AP3B1: variants seen among roughly 807,000 people sequenced by gnomAD.
AP3B1 encodes the protein adaptor related protein complex 3 subunit beta 1, also known as AP-3 complex subunit beta-1.
Under a neutral mutation model 132.5 loss-of-function variants are expected in AP3B1, and 61 were observed. The ratio of observed to expected loss-of-function variants is 0.46; its 90% CI spans 0.37 to 0.57. AP3B1 has a LOEUF of 0.57. Among genes scored for constraint, AP3B1 ranks in the 20% least tolerant of loss-of-function variants. AP3B1 has a pLI of 0.00. For missense variants in AP3B1, 1,120 were observed against 1,289.4 expected (o/e 0.87, Z 2.01); for synonymous variants, 388 against 438.3 (o/e 0.89, Z 1.43).
At chr5:78,035,003 T>C (rs1048707191) in intron 23 of AP3B1, among the ~76,000 whole-genome samples, 14 of 151,926 alleles carry the variant, frequency 9.2e-5, no homozygotes, top group African/African-American at 2.9e-4. Context: ...TTAAGTCTAA[T>C]TGCATTAAAT....
chr5:78,249,644 T>A (rs1747547788), intron 2 of AP3B1, among the ~76,000 whole-genome samples: 1 of 148,498 alleles, frequency 6.7e-6, no homozygotes, highest in East Asian at 2.0e-4. Flanking sequence ...ACGGCAATGG[T>A]GCCATGTTGG....
intron 15 of AP3B1, among the ~76,000 whole-genome samples, chr5:78,136,151 A>G (rs1304079153): frequency 6.6e-6 from 1 of 152,108 alleles, no homozygotes; most frequent in African/African-American, 2.4e-5. Flanking sequence ...TTTACTGTAA[A>G]TCATCATATT....
Position 78,002,819 on chromosome 5 carries a change from T to G in AP3B1, c.*83A>C. ...TACCCCCACTGCCAGATGGAAGGGC[T>G]ATTATTATAAATGAAAGGCAGCAGT... On this transcript the variant is annotated 3_prime_UTR_variant, in exon 27 of 27. Coordinates refer to ENST00000255194, the MANE Select transcript of AP3B1 (RefSeq NM_003664.5). 1 of 1,484,808 alleles carries G rather than the reference T, an allele frequency of 6.7e-7. No individual in the cohort carries two copies. The highest frequency in any genetic ancestry group is 1.7e-5 in the Admixed American group (1 of 59,912). 92.0% of individuals were successfully genotyped at this position (1,484,808 alleles called of 1,614,324 possible). A position where few individuals can be genotyped will look rare whatever the true frequency, so the allele number is the denominator to read the frequency against.
rs142542947 is a variant in AP3B1 at position 78,232,394 on chromosome 5, C to T, written c.280-4155G>A. ...AGTTAGCCAGTCAGGAACAACTGCA[C>T]TCCCATACACCCACCTCTGAGTGCC... is the stretch of plus-strand genomic sequence containing the variant. On this transcript the variant is annotated intron_variant, in intron 3 of 26. Transcript: ENST00000255194. Among the ~76,000 whole-genome samples, 13 of 152,288 alleles carry T rather than the reference C, an allele frequency of 8.5e-5. No individual in the cohort carries two copies. In the East Asian group the frequency reaches 2.3e-3, roughly 27 times the overall value.
At chr5:78,091,689 G>C (rs551724110) in intron 21 of AP3B1, among the ~76,000 whole-genome samples, 2 of 152,298 alleles carry the variant, frequency 1.3e-5, no homozygotes, top group African/African-American at 4.8e-5. Flanking sequence ...CAAAGGCTGA[G>C]AGGTAGGAAA....
intron 1 of AP3B1, among the ~76,000 whole-genome samples, chr5:78,269,625 T>A (rs1748468529): frequency 6.6e-6 from 1 of 152,180 alleles, no homozygotes; most frequent in Admixed American, 6.5e-5. Context: ...AAAGACAACA[T>A]AAATTAAGGG....
chr5:78,186,202 T>C (rs973818297), intron 7 of AP3B1, among the ~76,000 whole-genome samples: 1 of 151,868 alleles, frequency 6.6e-6, no homozygotes, highest in Non-Finnish European at 1.5e-5. Context: ...GATGGAAAAA[T>C]ACATAGCATG....
chr5:78,101,665 C>T (rs370588661), intron 20 of AP3B1, among the ~76,000 whole-genome samples: 24 of 152,116 alleles, frequency 1.6e-4, no homozygotes, highest in African/African-American at 5.5e-4. Flanking sequence ...ATAACTAGGG[C>T]TTCCCCCAGC....
chr5:78,259,274 A>C (rs1297506260), intron 2 of AP3B1, among the ~76,000 whole-genome samples: 1 of 151,714 alleles, frequency 6.6e-6, no homozygotes, highest in Non-Finnish European at 1.5e-5. Context: ...AGAAAGAAAG[A>C]CAAACATTTC....
intron 1 of AP3B1, among the ~76,000 whole-genome samples, chr5:78,279,907 A>AATATATATAT (rs55881507): frequency 5.2e-5 from 6 of 114,376 alleles, no homozygotes; most frequent in African/African-American, 1.9e-4. Context: ...ATATGACTTA[A>AATATATATAT]ATATATATAT....
In AP3B1 at chr5:78,036,609, T is replaced by C. The variant is rs532430211; in HGVS notation, c.2810-2164A>G. 2.0e-3 allele frequency among the ~76,000 whole-genome samples: 307 copies of C among 152,202 alleles called. 1 individual carries two copies. The highest frequency in any genetic ancestry group is 7.1e-3 in the African/African-American group (295 of 41,538). On this transcript the variant is annotated intron_variant, in intron 23 of 26. Coordinates refer to ENST00000255194, the MANE Select transcript of AP3B1 (RefSeq NM_003664.5). ...TCTTAAAAAAAACCCTCTTATATACTGGGTCTCTTTGGGGAAAATGGAATA... is the reference window on the plus strand; with the variant it reads ...TCTTAAAAAAAACCCTCTTATATACCGGGTCTCTTTGGGGAAAATGGAATA...
chr5:78,104,387 G>C (rs1751250160), intron 20 of AP3B1, among the ~76,000 whole-genome samples: 1 of 152,050 alleles, frequency 6.6e-6, no homozygotes, highest in Non-Finnish European at 1.5e-5. Flanking sequence ...CAATAAGAAA[G>C]CCTGCTTAAT....
chr5:78,075,633 A>G lies in AP3B1; in HGVS notation c.2577+13760T>C, dbSNP rs252752. Among the ~76,000 whole-genome samples the G allele has an allele frequency of 3.2e-3, 495 of 152,376 alleles. 4 individuals carry two copies. The highest frequency in any genetic ancestry group is 6.0e-3 in the Non-Finnish European group (406 of 68,036). Reference sequence around the variant, plus strand: ...TGATAGGACAAATGATAAAAACTGCAGAAGCTACATTTGCTTTGTGGCTTT... The same window carrying G: ...TGATAGGACAAATGATAAAAACTGCGGAAGCTACATTTGCTTTGTGGCTTT... On this transcript the variant is annotated intron_variant, in intron 22 of 26. Transcript: ENST00000255194.
At chr5:78,097,095 G>T (rs1293144247) in intron 21 of AP3B1, among the ~76,000 whole-genome samples, 1 of 119,020 alleles carries the variant, frequency 8.4e-6, no homozygotes, top group Non-Finnish European at 1.8e-5. Flanking sequence ...CAGCCGCCCC[G>T]TCCGGGAGGG....
At chr5:78,037,277 G>T (rs531364131) in intron 23 of AP3B1, among the ~76,000 whole-genome samples, 1 of 152,056 alleles carries the variant, frequency 6.6e-6, no homozygotes. Flanking sequence ...TCATGTATCA[G>T]CTGCTTGACA....
chr5:78,263,469 C>T (rs1288372571), intron 2 of AP3B1, among the ~76,000 whole-genome samples: 1 of 151,992 alleles, frequency 6.6e-6, no homozygotes, highest in East Asian at 1.9e-4. Context: ...CTTCCTTTTC[C>T]ATTTGGATGT....
intron 22 of AP3B1, among the ~76,000 whole-genome samples, chr5:78,068,055 T>G (rs978756496): frequency 5.3e-5 from 8 of 151,968 alleles, no homozygotes; most frequent in Admixed American, 5.2e-4. Flanking sequence ...CCTGGTGTGG[T>G]GGCTCACACC....
intron 14 of AP3B1, among the ~76,000 whole-genome samples, chr5:78,146,202 C>G (rs78806711): frequency 0.017 from 2,526 of 152,248 alleles, 75 homozygotes; most frequent in African/African-American, 0.057. Flanking sequence ...AACAGCTCTC[C>G]TGACTGGAAC....
At chr5:78,148,269 G>A (rs76022087) in intron 14 of AP3B1, among the ~76,000 whole-genome samples, 6,350 of 152,078 alleles carry the variant, frequency 0.042, 197 homozygotes, top group East Asian at 0.14. Flanking sequence ...GGACCAGAAC[G>A]AGTTTACTAG....
Sources: allele counts gnomAD v4.1 joint callset (sites outside exome capture counted in the v4.1 genomes callset), GRCh38; gene constraint gnomAD v4.1.1; transcripts MANE v1.5; gene names NCBI Gene and HGNC (gene_info 2026-07-23, HGNC 2026-07-21).